RAB27A: variants seen among roughly 807,000 people sequenced by gnomAD.
RAB27A encodes the protein RAB27A, member RAS oncogene family, also known as ras-related protein Rab-27A.
Under a neutral mutation model 20.8 loss-of-function variants are expected in RAB27A, and 17 were observed. That is an observed-to-expected ratio of 0.82 (90% confidence interval 0.56 to 1.23). RAB27A has a LOEUF of 1.23. Ranked by LOEUF, RAB27A falls within the 50% of genes most tolerant of loss-of-function variation. RAB27A has a pLI of 0.00. For synonymous variants in RAB27A, 85 were observed against 92.8 expected, an observed-to-expected ratio of 0.92 and a Z score of 0.48; for missense variants, 277 against 266.7, an observed-to-expected ratio of 1.04 and a Z score of -0.27.
intron 2 of RAB27A, among the ~76,000 whole-genome samples, chr15:55,252,231 T>C (rs192614221): frequency 2.6e-5 from 4 of 152,118 alleles, no homozygotes; most frequent in Admixed American, 1.3e-4. Flanking sequence ...TGGTGAGGGA[T>C]ATAAAAACTA....
intron 2 of RAB27A, among the ~76,000 whole-genome samples, chr15:55,302,653 A>G (rs1258819662): frequency 9.7e-5 from 9 of 92,588 alleles, no homozygotes; most frequent in African/African-American, 5.0e-4. Context: ...AGCCGCCATC[A>G]CATCTAGGAA....
intron 2 of RAB27A, among the ~76,000 whole-genome samples, chr15:55,301,380 C>T (rs1468015225): frequency 6.6e-6 from 1 of 152,120 alleles, no homozygotes; most frequent in Non-Finnish European, 1.5e-5. Context: ...ACTGGTCTGC[C>T]TTAACTGCAG....
At chr15:55,247,599 T>C (rs1310384743) in intron 2 of RAB27A, among the ~76,000 whole-genome samples, 4 of 152,204 alleles carry the variant, frequency 2.6e-5, no homozygotes, top group Non-Finnish European at 5.9e-5. Flanking sequence ...ACAGGAAAGA[T>C]GTTAATCTGT....
At chr15:55,234,309 A>G (rs1272481091) in intron 3 of RAB27A, among the ~76,000 whole-genome samples, 1 of 151,912 alleles carries the variant, frequency 6.6e-6, no homozygotes, top group East Asian at 1.9e-4. Context: ...GGCATTCCCC[A>G]CTCCTACTCC....
chr15:55,210,425 T>TC lies in RAB27A; in HGVS notation c.468-4721_468-4720insG, dbSNP rs1205102998. 3.0e-3 allele frequency among the ~76,000 whole-genome samples: 439 copies of TC among 144,754 alleles called. 3 individuals are homozygous for TC. Among genetic ancestry groups the TC allele is most frequent in the African/African-American group, 0.012 (424 of 36,704 alleles). 95.0% of individuals were successfully genotyped at this position (144,754 alleles called of 152,430 possible). A position where few individuals can be genotyped will look rare whatever the true frequency, so the allele number is the denominator to read the frequency against. ...TATTTAGGTGTGGTTTTTTTTTTTTTGAGGGGGGGGGAATTACTGCCTATA... is the reference window on the plus strand; with the variant it reads ...TATTTAGGTGTGGTTTTTTTTTTTTTCGAGGGGGGGGGAATTACTGCCTATA... On this transcript the variant is annotated intron_variant, in intron 6 of 6. Coordinates refer to ENST00000336787, the MANE Select transcript of RAB27A (RefSeq NM_183235.3).
At chr15:55,295,158 C>G (rs1047434075) in intron 2 of RAB27A, among the ~76,000 whole-genome samples, 4 of 150,976 alleles carry the variant, frequency 2.6e-5, no homozygotes, top group Admixed American at 1.3e-4. Context: ...TTCAAACTCA[C>G]TAGGTTGGAA....
At chr15:55,248,770 T>C (rs1287190859) in intron 2 of RAB27A, among the ~76,000 whole-genome samples, 1 of 152,194 alleles carries the variant, frequency 6.6e-6, no homozygotes, top group Non-Finnish European at 1.5e-5. Context: ...ACTAAATCAA[T>C]GATGCCAGGA....
chr15:55,279,953 T>C lies in RAB27A; in HGVS notation c.-142-9669A>G, dbSNP rs140170542. 3.7e-3 allele frequency among the ~76,000 whole-genome samples: 569 copies of C among 152,192 alleles called. 6 individuals carry two copies. The highest frequency in any genetic ancestry group is 0.014 in the Middle Eastern group (4 of 294). ...GGGTGCATCAGAGTCACCTAGATGG[T>C]TTTAAAACACAGACTCTAGGCCCCA... On this transcript the variant is annotated intron_variant, in intron 1 of 6. Coordinates refer to ENST00000336787, the MANE Select transcript of RAB27A (RefSeq NM_183235.3).
At position 55,265,107 on chromosome 15, in the gene RAB27A, C is replaced by T. The variant is rs569481823; in HGVS notation, c.-23+5058G>A. ...AAAATACAAAATTAGCCGGGCGTGG[C>T]GGCGCATGCCTGTAATCCCAGCTAC... On this transcript the variant is annotated intron_variant, in intron 2 of 6. Coordinates refer to ENST00000336787, the MANE Select transcript of RAB27A (RefSeq NM_183235.3). Among the ~76,000 whole-genome samples the T allele has an allele frequency of 4.1e-4, 63 of 152,096 alleles. No individual in the cohort carries two copies. The South Asian group carries it at 4.6e-3, about 11-fold the overall frequency.
chr15:55,212,503 C>T (rs1325018818), intron 6 of RAB27A, among the ~76,000 whole-genome samples: 4 of 151,810 alleles, frequency 2.6e-5, no homozygotes, highest in Admixed American at 2.6e-4. Flanking sequence ...CTGAATTTTA[C>T]AGCATCAAGT....
At chr15:55,266,902 G>T (rs538761210) in intron 2 of RAB27A, among the ~76,000 whole-genome samples, 4 of 152,160 alleles carry the variant, frequency 2.6e-5, no homozygotes, top group Non-Finnish European at 5.9e-5. Context: ...CAGACCTAGG[G>T]CTCACAAGAA....
At chr15:55,257,351 A>G (rs910774947) in intron 2 of RAB27A, among the ~76,000 whole-genome samples, 2 of 152,118 alleles carry the variant, frequency 1.3e-5, no homozygotes, top group African/African-American at 4.8e-5. Context: ...CCAACAGTGA[A>G]AGCTCCAAAA....
At position 55,299,882 on chromosome 15, in the gene RAB27A, G is replaced by A. The variant is rs1301856560; in HGVS notation, c.-112+14157C>T. Among the ~76,000 whole-genome samples, 10 of 149,646 alleles carry A rather than the reference G, an allele frequency of 6.7e-5. No individual in the cohort carries two copies. The South Asian group carries it at 1.1e-3, about 16-fold the overall frequency. Reference sequence around the variant, plus strand: ...GTCACCCAGGCTGGAGTGCAATGGCGCGATCTCAGCTCACTGCAAGCTCCG... The same window carrying A: ...GTCACCCAGGCTGGAGTGCAATGGCACGATCTCAGCTCACTGCAAGCTCCG... On this transcript the variant is annotated intron_variant, in intron 2 of 5. Transcript: ENST00000563262.
chr15:55,303,450 C>CT (rs2054983113), intron 2 of RAB27A, among the ~76,000 whole-genome samples: 1 of 58,736 alleles, frequency 1.7e-5, no homozygotes, highest in Non-Finnish European at 2.8e-5. Context: ...GTCAGCCCTC[C>CT]GCCCGGCCAG....
chr15:55,203,678 T>A lies in RAB27A; in HGVS notation c.*1829A>T, dbSNP rs1383844789. 1.3e-5 allele frequency: 2 copies of A among 150,310 alleles called. No individual in the cohort carries two copies. Among genetic ancestry groups the A allele is most frequent in the Non-Finnish European group, 3.0e-5 (2 of 67,720 alleles). 9.3% of individuals were successfully genotyped at this position (150,310 alleles called of 1,614,324 possible). A position where few individuals can be genotyped will look rare whatever the true frequency, so the allele number is the denominator to read the frequency against. On this transcript the variant is annotated 3_prime_UTR_variant, in exon 7 of 7. Transcript: ENST00000336787. ...ACCTCGTGATCCGCCCTCCTCGGCC[T>A]CCCAAAGTGCTGGGATTACAGGTGT...
At chr15:55,261,817 A>G (rs1430637213) in intron 2 of RAB27A, among the ~76,000 whole-genome samples, 4 of 150,200 alleles carry the variant, frequency 2.7e-5, no homozygotes, top group African/African-American at 9.8e-5. Context: ...AGGTGGGTGG[A>G]TCATGAGGTC....
intron 5 of RAB27A, among the ~76,000 whole-genome samples, chr15:55,226,833 A>G (rs1400497622): frequency 6.6e-6 from 1 of 150,582 alleles, no homozygotes; most frequent in East Asian, 1.9e-4. Context: ...GCACCATTGC[A>G]CTCCAGCAAG....
intron 3 of RAB27A, 38 bp downstream of exon 3, chr15:55,234,744 A>G: frequency 6.4e-7 from 1 of 1,573,084 alleles, no homozygotes; most frequent in Non-Finnish European, 8.7e-7. Flanking sequence ...ATGTTGACTT[A>G]ACGATTACAT....
intron 1 of RAB27A, among the ~76,000 whole-genome samples, chr15:55,271,265 T>C (rs1897697675): frequency 6.6e-6 from 1 of 152,192 alleles, no homozygotes; most frequent in African/African-American, 2.4e-5. Context: ...TATAAGCTGC[T>C]AGAGTCCAGC....
Sources: allele counts gnomAD v4.1 joint callset (sites outside exome capture counted in the v4.1 genomes callset), GRCh38; gene constraint gnomAD v4.1.1; transcripts MANE v1.5; gene names NCBI Gene and HGNC (gene_info 2026-07-23, HGNC 2026-07-21).